Variants in CARS1 observed in about 807,000 individuals in gnomAD.
CARS1 encodes the protein cysteinyl-tRNA synthetase 1, also known as cysteine--tRNA ligase, cytoplasmic.
In CARS1, 48 loss-of-function variants were observed where a neutral mutation model predicts 106.2. That is an observed-to-expected ratio of 0.45 (90% CI 0.36 to 0.57). The LOEUF (loss-of-function observed/expected upper bound fraction) is 0.57. CARS1 is among the 20% of genes least tolerant of loss of function. The pLI is 0.00. For missense variants in CARS1, 968 were observed against 1,057.2 expected, an observed-to-expected ratio of 0.92 and a Z score of 1.17; for synonymous variants, 409 against 403.4, an observed-to-expected ratio of 1.01 and a Z score of -0.17.
Position 3,048,899 on chromosome 11 carries a change from C to T in CARS1, c.26-898G>A, listed in dbSNP as rs1393529224. On this transcript the variant is annotated intron_variant, in intron 1 of 22. Coordinates refer to ENST00000380525, the MANE Select transcript of CARS1 (RefSeq NM_001014437.3). This position sits in a 1 kb window ranked among gnomAD's most constrained non-coding sequence, Gnocchi z 5.1. ...AAGCAGTAAGCGTGCACCTCCACCA[C>T]TCAGGTGTGTCACTCAAGGACCCAA... Among the ~76,000 whole-genome samples the T allele has an allele frequency of 6.6e-6, 1 of 152,220 alleles. No individual in the cohort carries two copies. The highest frequency in any genetic ancestry group is 1.5e-5 in the Non-Finnish European group (1 of 68,040).
chr11:3,018,903 A>C (rs1851299727), intron 12 of CARS1, among the ~76,000 whole-genome samples, 154 bp from the exon 13 acceptor site: 1 of 152,228 alleles, frequency 6.6e-6, no homozygotes, highest in African/African-American at 2.4e-5. Context: ...AGCCCAGGTT[A>C]ATAAGCCAGC....
At position 3,039,458 on chromosome 11, in the gene CARS1, C is replaced by T. The variant is rs71476702; in HGVS notation, c.553-166G>A. On this transcript the variant is annotated intron_variant, in intron 5 of 22. Transcript: ENST00000380525. This position sits in a 1 kb window ranked among gnomAD's most constrained non-coding sequence, Gnocchi z 5.6. ...CATCATCAAATAGAAACACCACCCT[C>T]CATCTCCCACCTGCCAAGTAGTGCC... 6.6e-6 allele frequency among the ~76,000 whole-genome samples: 1 copy of T among 152,164 alleles called. No homozygotes were observed. The highest frequency in any genetic ancestry group is 1.5e-5 in the Non-Finnish European group (1 of 68,036).
chr11:3,026,842 GAAAGTGTGTCAGCAGGATGACAGTAACA>G, intron 9 of CARS1, 45 bp from the exon 10 acceptor site: 1 of 1,582,602 alleles, frequency 6.3e-7, no homozygotes, highest in Non-Finnish European at 8.6e-7. Context: ...TAACAGACCC[GAAAGTGTGTCAGCAGGATGACAGTAACA>G]AAATAAAGCA....
In CARS1 at chr11:3,042,228, C is replaced by A. The variant is rs1224355829; in HGVS notation, c.303G>T (p.Trp101Cys). The A allele has an allele frequency of 4.3e-6, 7 of 1,613,362 alleles. No homozygotes were observed. The highest frequency in any genetic ancestry group is 5.9e-6 in the Non-Finnish European group (7 of 1,179,956). The change falls in exon 3 of 23, where the codon TGG becomes TGT. Residue 101 changes from tryptophan (W) to cysteine (C), a missense_variant. Coordinates refer to ENST00000380525, the MANE Select transcript of CARS1 (RefSeq NM_001014437.3). ...ATGGCTGGGTCCCAGCAGGAGGGGA[C>A]CACTGGGGCTGCACACGCCGGCCTT... Reference protein sequence around the residue: ...ASKGRRVQPQWSPPAGTQPCR... With the variant: ...ASKGRRVQPQCSPPAGTQPCR...
At position 3,006,810 on chromosome 11, in the gene CARS1, G is replaced by A. The variant is rs944700693; in HGVS notation, c.2149+69C>T. 7.0e-5 allele frequency: 86 copies of A among 1,223,526 alleles called. No homozygotes were observed. In the African/African-American group the frequency reaches 1.0e-3, roughly 15 times the overall value. The allele number at this position is 1,223,526 out of a possible 1,614,324, so 75.8% of individuals were successfully genotyped here. A position where few individuals can be genotyped will look rare whatever the true frequency, so the allele number is the denominator to read the frequency against. On this transcript the variant is annotated intron_variant, in intron 19 of 22. Coordinates refer to ENST00000380525, the MANE Select transcript of CARS1 (RefSeq NM_001014437.3). ...GAAGCATGAGCCTCAGCCCAGCCCC[G>A]GGAGCTCTCCTTGTGACACCTCTCC...
chr11:3,047,704 AC>A, intron 2 of CARS1, 48 bp downstream of exon 2: 1 of 1,563,718 alleles, frequency 6.4e-7, no homozygotes, highest in South Asian at 1.2e-5. Flanking sequence ...AAAGCCCTTG[AC>A]CTTGGGAGAG....
At position 3,040,891 on chromosome 11, in the gene CARS1, C is replaced by A; in HGVS notation, c.455+5G>T. On this transcript the variant is annotated splice_donor_5th_base_variant and intron_variant, in intron 4 of 22. Transcript: ENST00000380525. This position sits in a 1 kb window ranked among gnomAD's most constrained non-coding sequence, Gnocchi z 5.8. ...AGCTGCAGGGACACCCCGCGGTGGA[C>A]CTACCTGGCGTGCCCCATGTGAGAT... is the stretch of plus-strand genomic sequence containing the variant. The A allele has an allele frequency of 6.2e-7, 1 of 1,613,324 alleles. No homozygotes were observed. Among genetic ancestry groups the A allele is most frequent in the Non-Finnish European group, 8.5e-7 (1 of 1,179,656 alleles).
intron 1 of CARS1, among the ~76,000 whole-genome samples, chr11:3,056,775 G>T (rs1053943430): frequency 1.3e-5 from 2 of 152,130 alleles, no homozygotes; most frequent in Non-Finnish European, 1.5e-5. Context: ...AGGCCAGCTG[G>T]GGCAAGAGGG....
chr11:3,027,968 G>C lies in CARS1; in HGVS notation c.1031+1028C>G, dbSNP rs12573922. ...GAGTCAGGCTCGCCCGCAGTTATCC[G>C]GAGGCCTAACCGTCTCCCTGTGATG... On this transcript the variant is annotated intron_variant, in intron 9 of 22. Coordinates refer to ENST00000380525, the MANE Select transcript of CARS1 (RefSeq NM_001014437.3). 1.4e-5 allele frequency: 6 copies of C among 422,308 alleles called. 1 individual carries two copies. The highest frequency in any genetic ancestry group is 2.9e-5 in the Non-Finnish European group (6 of 209,062). The allele number at this position is 422,308 out of a possible 1,614,324, so 26.2% of individuals were successfully genotyped here. A position where few individuals can be genotyped will look rare whatever the true frequency, so the allele number is the denominator to read the frequency against.
At chr11:3,025,418 G>A (rs1851949986) in intron 10 of CARS1, among the ~76,000 whole-genome samples, 1 of 152,160 alleles carries the variant, frequency 6.6e-6, no homozygotes, top group Admixed American at 6.6e-5. Flanking sequence ...AGTAGAGATG[G>A]GGTTTCGCCA....
chr11:3,047,579 A>G (rs1432957777), intron 2 of CARS1, among the ~76,000 whole-genome samples, 174 bp downstream of exon 2: 2 of 152,136 alleles, frequency 1.3e-5, no homozygotes, highest in African/African-American at 2.4e-5. Flanking sequence ...TTTTATCCCA[A>G]CCTCCATCCA....
At position 3,032,036 on chromosome 11, in the gene CARS1, C is replaced by T. The variant is rs185079899; in HGVS notation, c.802-2593G>A. ...CCTCCCTCCCTCCCTCCCTCCCTCC[C>T]TCCCTCCCTCCCTCCCTCCCTCCCT... On this transcript the variant is annotated intron_variant, in intron 7 of 22. Coordinates refer to ENST00000380525, the MANE Select transcript of CARS1 (RefSeq NM_001014437.3). Among the ~76,000 whole-genome samples, 101 of 18,854 alleles carry T rather than the reference C, an allele frequency of 5.4e-3. 8 individuals carry two copies. Among genetic ancestry groups the T allele is most frequent in the Admixed American group, 0.012 (13 of 1,114 alleles). The allele number at this position is 18,854 out of a possible 152,430, so 12.4% of individuals were successfully genotyped here.
At position 3,002,040 on chromosome 11, in the gene CARS1, G is replaced by C; in HGVS notation, c.2291C>G (p.Ala764Gly). ...RKQEQEAAKL[A>G]KMKIPPSEMF... ...CTCACTGGGGGGAATCTTCATCTTG[G>C]CCAGCTTTGCTGCCTAGAACACGCA... The change falls in exon 22 of 23, where the codon GCC becomes GGC. Residue 764 changes from alanine (A) to glycine (G), a missense_variant. Transcript: ENST00000380525. 6.2e-7 allele frequency: 1 copy of C among 1,613,120 alleles called. No homozygotes were observed.
chr11:3,019,065 G>T lies in CARS1; in HGVS notation c.1395+74C>A. On this transcript the variant is annotated intron_variant, in intron 12 of 22. Coordinates refer to ENST00000380525, the MANE Select transcript of CARS1 (RefSeq NM_001014437.3). The surrounding 1 kb of genome is among the most constrained non-coding windows in gnomAD (Gnocchi z 6.2). ...AGTGAGAGAGGCCCTTCTGAGGCCTGGGCTGACTTTTCCTCCACTGCAGTA... is the reference window on the plus strand; with the variant it reads ...AGTGAGAGAGGCCCTTCTGAGGCCTTGGCTGACTTTTCCTCCACTGCAGTA... 1 of 1,462,170 alleles carries T rather than the reference G, an allele frequency of 6.8e-7. No homozygotes were observed. The highest frequency in any genetic ancestry group is 9.1e-7 in the Non-Finnish European group (1 of 1,098,606). The allele number at this position is 1,462,170 out of a possible 1,614,324, so 90.6% of individuals were successfully genotyped here.
chr11:3,005,242 T>C (rs1317082465), intron 20 of CARS1, 124 bp downstream of exon 20: 1 of 677,382 alleles, frequency 1.5e-6, no homozygotes, highest in African/African-American at 1.9e-5. Flanking sequence ...TTCTGACATT[T>C]ATAAATACTG....
In CARS1 at chr11:3,038,006, C is replaced by T. The variant is rs775067307; in HGVS notation, c.801+44G>A. 2 of 1,589,114 alleles carry T rather than the reference C, an allele frequency of 1.3e-6. No homozygotes were observed. Among genetic ancestry groups the T allele is most frequent in the African/African-American group, 2.7e-5 (2 of 74,326 alleles). On this transcript the variant is annotated intron_variant, in intron 7 of 22. Coordinates refer to ENST00000380525, the MANE Select transcript of CARS1 (RefSeq NM_001014437.3). This position sits in a 1 kb window ranked among gnomAD's most constrained non-coding sequence, Gnocchi z 4.0. Reference sequence around the variant, plus strand: ...ACAGATCAGTCTATGCACGGCCCGACATTTGACCCGAACGGGCTGTCTGGG... The same window carrying T: ...ACAGATCAGTCTATGCACGGCCCGATATTTGACCCGAACGGGCTGTCTGGG...
rs564214740 is a variant in CARS1, at chr11:3,037,361, T to C, written c.801+689A>G. Among the ~76,000 whole-genome samples the C allele has an allele frequency of 6.6e-6, 1 of 152,284 alleles. No individual in the cohort carries two copies. The highest frequency in any genetic ancestry group is 6.5e-5 in the Admixed American group (1 of 15,304). ...CACTGAGGTGGGGCCAGGGCAGTGG[T>C]GAGGGAAGGCAGGGCTGCGGCCTCA... On this transcript the variant is annotated intron_variant, in intron 7 of 22. Transcript: ENST00000380525. The surrounding 1 kb of genome is among the most constrained non-coding windows in gnomAD (Gnocchi z 5.9).
chr11:3,012,736 G>A (rs1850603822), intron 17 of CARS1, among the ~76,000 whole-genome samples: 1 of 152,208 alleles, frequency 6.6e-6, no homozygotes, highest in Non-Finnish European at 1.5e-5. Flanking sequence ...CGTCTGATCT[G>A]TGGTCACACA....
At position 3,029,342 on chromosome 11, in the gene CARS1, G is replaced by C. The variant is rs749442562; in HGVS notation, c.903C>G (p.Phe301Leu). 1.2e-5 allele frequency: 19 copies of C among 1,613,916 alleles called. 1 individual carries two copies. The highest frequency in any genetic ancestry group is 1.6e-4 in the Middle Eastern group (1 of 6,084). Residue 301 changes from phenylalanine (F) to leucine (L), a missense_variant, in exon 8 of 23, where the codon TTC becomes TTG. By Grantham distance (22) the Phe-to-Leu change is conservative (BLOSUM62 0). Coordinates refer to ENST00000380525, the MANE Select transcript of CARS1 (RefSeq NM_001014437.3). The surrounding 1 kb of genome is among the most constrained non-coding windows in gnomAD (Gnocchi z 5.9). ...TGTCTCTGTGGAAGTCCCCCTCCCA[G>C]AACTTGGGCAGCTTGGAGAAGATGG... ...DNSIFSKLPK[F>L]WEGDFHRDME...
Sources: gnomAD v4.1 joint callset for allele counts (sites outside exome capture counted in the v4.1 genomes callset) on GRCh38, gnomAD v4.1.1 for gene constraint, Gnocchi (gnomAD v3.1) non-coding constraint, MANE v1.5 for transcripts, NCBI Gene and HGNC (gene_info 2026-07-23, HGNC 2026-07-21) for gene names.